IP6K1: variants seen among roughly 807,000 people sequenced by gnomAD.
The protein encoded by IP6K1 is ATP:1D-myo-inositol-hexakisphosphate phosphotransferase.
Under a neutral mutation model 38.3 loss-of-function variants are expected in IP6K1, and 13 were observed. The observed-to-expected ratio is 0.34, with a 90% confidence interval of 0.22 to 0.54. The LOEUF (loss-of-function observed/expected upper bound fraction) is 0.54. Among genes scored for constraint, IP6K1 ranks in the 20% least tolerant of loss-of-function variants. The probability of loss-of-function intolerance (pLI) is 0.92; values close to 1 mark genes in which losing one functional copy is unlikely to be tolerated. For synonymous variants in IP6K1, 212 were observed against 229.9 expected, an observed-to-expected ratio of 0.92 and a Z score of 0.70; for missense variants, 397 against 599.8, an observed-to-expected ratio of 0.66 and a Z score of 3.53.
intron 4 of IP6K1, 128 bp downstream of exon 4, chr3:49,732,663 T>A: frequency 2.2e-5 from 14 of 625,860 alleles, no homozygotes; most frequent in Non-Finnish European, 3.4e-5. Context: ...GGAAGAGGAG[T>A]CCATGAAAAA....
intron 1 of IP6K1, among the ~76,000 whole-genome samples, chr3:49,774,013 ACACAC>A (rs1487561539): frequency 1.6e-3 from 221 of 142,438 alleles, no homozygotes; most frequent in Admixed American, 2.4e-3. Flanking sequence ...ACACACACAC[ACACAC>A]AACACACACA....
At chr3:49,753,615 A>C (rs754608155) in intron 1 of IP6K1, among the ~76,000 whole-genome samples, 4 of 152,198 alleles carry the variant, frequency 2.6e-5, no homozygotes, top group Non-Finnish European at 4.4e-5. Context: ...AAATATATGT[A>C]TGTTTATGAT....
intron 1 of IP6K1, among the ~76,000 whole-genome samples, chr3:49,781,372 T>C (rs890375987): frequency 1.3e-5 from 2 of 152,242 alleles, no homozygotes; most frequent in African/African-American, 4.8e-5. Flanking sequence ...TAAAAAATTA[T>C]TCTTAAAAGA....
Position 49,727,713 on chromosome 3 carries a change from GC to G in IP6K1, c.793-59del. 6.5e-7 allele frequency: 1 copy of G among 1,544,550 alleles called. No individual in the cohort carries two copies. On this transcript the variant is annotated intron_variant, in intron 5 of 5. Coordinates refer to ENST00000321599, the MANE Select transcript of IP6K1 (RefSeq NM_153273.4). This position sits in a 1 kb window ranked among gnomAD's most constrained non-coding sequence, Gnocchi z 5.9. ...CAGGGAAGTCTGAAGAGCTCACAGTGCCCTGGGCAAACACTGTCTGGAAGGG... is the reference window on the plus strand; with the variant it reads ...CAGGGAAGTCTGAAGAGCTCACAGTGCCTGGGCAAACACTGTCTGGAAGGG...
At chr3:49,728,514 A>ATATT (rs2080533070) in intron 4 of IP6K1, 4 of 448,056 alleles carry the variant, frequency 8.9e-6, no homozygotes, top group African/African-American at 2.3e-5. Context: ...GGCATGAAGT[A>ATATT]CATTTACTTT....
intron 1 of IP6K1, chr3:49,785,610 T>A (rs1559719120): frequency 6.6e-6 from 1 of 152,244 alleles, no homozygotes; most frequent in Non-Finnish European, 1.5e-5. Flanking sequence ...ACGTTTCCTT[T>A]GTCTCCTATG....
chr3:49,728,123 C>T lies in IP6K1; in HGVS notation c.772G>A (p.Val258Ile), dbSNP rs749222004. The change falls in exon 5 of 6, where the codon GTC (valine) becomes ATC (isoleucine). Residue 258 changes from valine (V) to isoleucine (I), a missense_variant. Physicochemically the swap from Val to Ile is conservative, Grantham distance 29. Coordinates refer to ENST00000321599, the MANE Select transcript of IP6K1 (RefSeq NM_153273.4). ...CTCACCTGCATGCCGCAGACCCTGACGCCCAGCGTGGCTGATGTGCTCTGC... is the reference window on the plus strand; with the variant it reads ...CTCACCTGCATGCCGCAGACCCTGATGCCCAGCGTGGCTGATGTGCTCTGC... ...CEQSTSATLGVRVCGMQVYQL... is the reference protein window; with the variant it reads ...CEQSTSATLGIRVCGMQVYQL... 1.9e-6 allele frequency: 3 copies of T among 1,613,928 alleles called. No individual in the cohort carries two copies. The highest frequency in any genetic ancestry group is 1.7e-6 in the Non-Finnish European group (2 of 1,179,926).
At position 49,728,095 on chromosome 3, in the gene IP6K1, T is replaced by C; in HGVS notation, c.792+8A>G. 1 of 1,610,620 alleles carries C rather than the reference T, an allele frequency of 6.2e-7. No homozygotes were observed. Among genetic ancestry groups the C allele is most frequent in the East Asian group, 2.2e-5 (1 of 44,852 alleles). On this transcript the variant is annotated splice_region_variant and intron_variant, in intron 5 of 5. Transcript: ENST00000321599. ...GCAGCACCTAGGCTCTGAGCAGAGG[T>C]AACTCACCTGCATGCCGCAGACCCT...
Position 49,738,293 on chromosome 3 carries a change from G to A in IP6K1, c.353C>T (p.Ser118Phe), listed in dbSNP as rs1267091671. Residue 118 changes from serine (S) to phenylalanine (F), a missense_variant, in exon 3 of 6, where the codon TCC becomes TTC. Physicochemically the swap from Ser to Phe is radical, Grantham distance 155. Transcript: ENST00000321599. The part of the protein sequence containing the change: ...TEREQPRRKH[S>F]RRSLHRSGSG... ...GCCTGACCGGTGCAGGCTCCGGCGG[G>A]AGTGTTTGCGCCGAGGTTGCTCCCG... is the stretch of plus-strand genomic sequence containing the variant. The A allele has an allele frequency of 1.2e-6, 2 of 1,614,224 alleles. No individual in the cohort carries two copies. Among genetic ancestry groups the A allele is most frequent in the East Asian group, 2.2e-5 (1 of 44,888 alleles).
chr3:49,782,510 C>T (rs1022942430), intron 1 of IP6K1, among the ~76,000 whole-genome samples: 1 of 152,038 alleles, frequency 6.6e-6, no homozygotes, highest in Non-Finnish European at 1.5e-5. Context: ...CACATTTGCA[C>T]TTAAAAATGC....
At position 49,726,853 on chromosome 3, in the gene IP6K1, C is replaced by T. The variant is rs1056447286; in HGVS notation, c.*269G>A. ...GGCACCCTGTCCCTGCTGCCAAGCCCACCAGGGGCACCTCTTCCTTCCTAA... is the reference window on the plus strand; with the variant it reads ...GGCACCCTGTCCCTGCTGCCAAGCCTACCAGGGGCACCTCTTCCTTCCTAA... On this transcript the variant is annotated 3_prime_UTR_variant, in exon 6 of 6. Coordinates refer to ENST00000321599, the MANE Select transcript of IP6K1 (RefSeq NM_153273.4). 1 of 460,886 alleles carries T rather than the reference C, an allele frequency of 2.2e-6. No homozygotes were observed. Among genetic ancestry groups the T allele is most frequent in the Non-Finnish European group, 3.8e-6 (1 of 263,088 alleles). 28.5% of individuals were successfully genotyped at this position (460,886 alleles called of 1,614,324 possible).
At chr3:49,766,279 G>C (rs951994414) in intron 1 of IP6K1, among the ~76,000 whole-genome samples, 2 of 152,182 alleles carry the variant, frequency 1.3e-5, no homozygotes, top group South Asian at 4.2e-4. Context: ...TGAGGTGGGA[G>C]AATCACTTGA....
At chr3:49,785,090 G>A (rs1440343552) in intron 1 of IP6K1, among the ~76,000 whole-genome samples, 1 of 152,226 alleles carries the variant, frequency 6.6e-6, no homozygotes, top group African/African-American at 2.4e-5. Context: ...AGAGAAATGT[G>A]TTTTGGAGCA....
At position 49,786,367 on chromosome 3, in the gene IP6K1, G is replaced by T. The variant is rs1307266193; in HGVS notation, c.-142C>A. On this transcript the variant is annotated 5_prime_UTR_variant, in exon 1 of 6. Transcript: ENST00000321599. ...CCTGTCACTCACCTGCCCGGCCCGG[G>T]CACCGAGCGCCCACGGCTCCCTACG... The T allele has an allele frequency of 6.6e-6, 1 of 152,200 alleles. No homozygotes were observed. The highest frequency in any genetic ancestry group is 1.5e-5 in the Non-Finnish European group (1 of 68,042). 9.4% of individuals were successfully genotyped at this position (152,200 alleles called of 1,614,324 possible).
At chr3:49,738,555 G>C in intron 2 of IP6K1, 133 bp from the exon 3 acceptor site, 1 of 677,648 alleles carries the variant, frequency 1.5e-6, no homozygotes, top group Non-Finnish European at 2.7e-6. Flanking sequence ...ATCAATATCA[G>C]AACAACAGCC....
At chr3:49,775,633 C>T in intron 1 of IP6K1, 1 of 791,032 alleles carries the variant, frequency 1.3e-6, no homozygotes, top group Admixed American at 2.6e-5. Context: ...TGGCCCCTTC[C>T]TCCCCACAAC....
At chr3:49,776,181 AAAAT>A (rs748363814) in intron 1 of IP6K1, among the ~76,000 whole-genome samples, 1 of 152,036 alleles carries the variant, frequency 6.6e-6, no homozygotes, top group Non-Finnish European at 1.5e-5. Context: ...ATTTTCTGGT[AAAAT>A]AAATAAAAAT....
chr3:49,748,500 C>T (rs1029035053), intron 1 of IP6K1, among the ~76,000 whole-genome samples: 22 of 152,222 alleles, frequency 1.4e-4, no homozygotes, highest in South Asian at 1.0e-3. Context: ...TACTTCACAC[C>T]CAAAGATGAG....
At chr3:49,781,216 C>G (rs1436655790) in intron 1 of IP6K1, among the ~76,000 whole-genome samples, 1 of 152,076 alleles carries the variant, frequency 6.6e-6, no homozygotes. Context: ...CACCCGCCAC[C>G]ACGCCTGACT....
Sources: gnomAD v4.1 joint callset for allele counts (sites outside exome capture counted in the v4.1 genomes callset) on GRCh38, gnomAD v4.1.1 for gene constraint, Gnocchi (gnomAD v3.1) non-coding constraint, MANE v1.5 for transcripts, NCBI Gene and HGNC (gene_info 2026-07-23, HGNC 2026-07-21) for gene names.